Variants in STON1 observed in about 807,000 individuals in gnomAD.
The protein encoded by STON1 is stonin-1.
Under a neutral mutation model 60.9 loss-of-function variants are expected in STON1, and 79 were observed. The ratio of observed to expected loss-of-function variants is 1.30; its 90% CI spans 1.08 to 1.56. The LOEUF (loss-of-function observed/expected upper bound fraction) is 1.56. Ranked by LOEUF, STON1 falls within the 40% of genes most tolerant of loss-of-function variation. STON1 has a pLI of 0.00. For synonymous variants in STON1, 363 were observed against 306.9 expected, an observed-to-expected ratio of 1.18 and a Z score of -1.91; for missense variants, 1,166 against 858.9, an observed-to-expected ratio of 1.36 and a Z score of -4.47.
chr2:48,552,349 A>T (rs376861423), intron 1 of STON1, among the ~76,000 whole-genome samples: 163 of 152,320 alleles, frequency 1.1e-3, no homozygotes, highest in African/African-American at 3.6e-3. Context: ...TGGAGAGAAG[A>T]TGAATGAGGA....
intron 1 of STON1, among the ~76,000 whole-genome samples, chr2:48,574,521 C>G (rs1276882266): frequency 6.6e-6 from 1 of 152,186 alleles, no homozygotes; most frequent in African/African-American, 2.4e-5. Flanking sequence ...AATTATATCT[C>G]AGTAAAGCTG....
rs1318145940 is a variant in STON1 at position 48,557,611 on chromosome 2, C to T, written c.-47-22976C>T. Among the ~76,000 whole-genome samples, 15 of 118,760 alleles carry T rather than the reference C, an allele frequency of 1.3e-4. 3 individuals are homozygous for T. The highest frequency in any genetic ancestry group is 3.1e-4 in the South Asian group (1 of 3,212). 77.9% of individuals were successfully genotyped at this position (118,760 alleles called of 152,430 possible). On this transcript the variant is annotated intron_variant, in intron 1 of 3. Transcript: ENST00000404752. ...CTGGGAGGTGTAGGTTGTAGTGAGC[C>T]GAGATCACGCCACTGCACTCCAGCC...
In STON1 at chr2:48,578,310, T is replaced by C. The variant is rs570602699; in HGVS notation, c.-47-2277T>C. The stretch of plus-strand genomic sequence containing the variant: ...TCCATGTTGAGTTGATGGTTGTGTA[T>C]GATATAAGACAAGCTTGTCCAACGT... On this transcript the variant is annotated intron_variant, in intron 1 of 3. Transcript: ENST00000404752. Among the ~76,000 whole-genome samples, 6 of 152,334 alleles carry C rather than the reference T, an allele frequency of 3.9e-5. No homozygotes were observed. The East Asian group carries it at 1.2e-3, about 29-fold the overall frequency.
chr2:48,554,718 T>C (rs776975629), intron 1 of STON1, among the ~76,000 whole-genome samples: 1 of 72,572 alleles, frequency 1.4e-5, no homozygotes, highest in Non-Finnish European at 3.0e-5. Context: ...TTTTTTTTTT[T>C]TTTTTTTATT....
chr2:48,591,380 A>T (rs963268288), intron 2 of STON1, among the ~76,000 whole-genome samples: 1 of 151,716 alleles, frequency 6.6e-6, no homozygotes, highest in Non-Finnish European at 1.5e-5. Context: ...ATATAGTAAT[A>T]TATTTTTTAT....
intron 2 of STON1, among the ~76,000 whole-genome samples, chr2:48,591,216 A>G (rs904447464): frequency 6.7e-6 from 1 of 149,938 alleles, no homozygotes; most frequent in Non-Finnish European, 1.5e-5. Context: ...TATTAAAAAT[A>G]TTGCTTAAAA....
chr2:48,566,734 C>T (rs927642042), intron 1 of STON1, among the ~76,000 whole-genome samples: 10 of 152,304 alleles, frequency 6.6e-5, no homozygotes, highest in East Asian at 5.8e-4. Context: ...CTCCCACTGA[C>T]GCTAGAGGGA....
rs1428156266 is a variant in STON1, at chr2:48,595,847, C to T, written c.*545C>T. On this transcript the variant is annotated 3_prime_UTR_variant, in exon 4 of 4. Coordinates refer to ENST00000404752, the MANE Select transcript of STON1 (RefSeq NM_006873.4). ...CTGTGCTTTTGAATTACTTATTTAC[C>T]TGTCCTCTTACCGTTGGTAAATAAT... The T allele has an allele frequency of 1.3e-5, 2 of 152,752 alleles. No individual in the cohort carries two copies. The highest frequency in any genetic ancestry group is 1.3e-4 in the Admixed American group (2 of 15,286). The allele number at this position is 152,752 out of a possible 1,614,324, so 9.5% of individuals were successfully genotyped here.
intron 2 of STON1, among the ~76,000 whole-genome samples, chr2:48,588,136 C>G (rs528910311): frequency 3.5e-4 from 54 of 152,298 alleles, no homozygotes; most frequent in Admixed American, 3.4e-3. Flanking sequence ...TGGATTTTGA[C>G]TGAGCAAGTG....
chr2:48,548,248 A>C (rs1044346929), intron 1 of STON1, among the ~76,000 whole-genome samples: 1 of 152,208 alleles, frequency 6.6e-6, no homozygotes, highest in African/African-American at 2.4e-5. Flanking sequence ...CTGTAAAAGC[A>C]CATAGCATTG....
intron 1 of STON1, chr2:48,531,434 G>A (rs974126156): frequency 1.3e-5 from 2 of 152,212 alleles, no homozygotes; most frequent in East Asian, 3.8e-4. Flanking sequence ...TTGGGTGGAA[G>A]AATTGTTTAG....
intron 1 of STON1, among the ~76,000 whole-genome samples, chr2:48,539,461 A>G (rs986157812): frequency 6.6e-6 from 1 of 152,156 alleles, no homozygotes; most frequent in African/African-American, 2.4e-5. Flanking sequence ...TGCTTTAGCT[A>G]CATCATGCAA....
chr2:48,559,804 T>G (rs1384464357), intron 1 of STON1, among the ~76,000 whole-genome samples: 1 of 152,174 alleles, frequency 6.6e-6, no homozygotes, highest in Non-Finnish European at 1.5e-5. Flanking sequence ...GGGGATGTGG[T>G]CTTTGCTGAA....
At chr2:48,551,107 A>C (rs1672085237) in intron 1 of STON1, among the ~76,000 whole-genome samples, 1 of 151,954 alleles carries the variant, frequency 6.6e-6, no homozygotes, top group South Asian at 2.1e-4. Flanking sequence ...GGTGGCATTC[A>C]CTCTAAGCCA....
intron 2 of STON1, among the ~76,000 whole-genome samples, chr2:48,586,004 T>C (rs2103936076): frequency 6.6e-6 from 1 of 152,372 alleles, no homozygotes; most frequent in East Asian, 1.9e-4. Flanking sequence ...ACAGGCTCCC[T>C]TTGTAGTCCA....
intron 1 of STON1, among the ~76,000 whole-genome samples, chr2:48,543,095 C>T (rs1158858365): frequency 6.6e-6 from 1 of 151,496 alleles, no homozygotes; most frequent in Non-Finnish European, 1.5e-5. Context: ...CTGCTTCAGC[C>T]TCCTGAGTAG....
At position 48,563,101 on chromosome 2, in the gene STON1, C is replaced by G. The variant is rs927526070; in HGVS notation, c.-47-17486C>G. The stretch of plus-strand genomic sequence containing the variant: ...CATGGTAAGGTTGAGTGGAGACAGA[C>G]TGTGGCCCCATGGCCCTAGGCAGAG... On this transcript the variant is annotated intron_variant, in intron 1 of 3. Coordinates refer to ENST00000404752, the MANE Select transcript of STON1 (RefSeq NM_006873.4). Among the ~76,000 whole-genome samples the G allele has an allele frequency of 2.0e-5, 3 of 152,352 alleles. No homozygotes were observed. The East Asian group carries it at 5.8e-4, about 29-fold the overall frequency.
At chr2:48,564,413 CTT>C (rs879809323) in intron 1 of STON1, among the ~76,000 whole-genome samples, 6,696 of 42,686 alleles carry the variant, frequency 0.16, 791 homozygotes, top group South Asian at 0.17. Flanking sequence ...GTGTCTTCTT[CTT>C]CTTCTTCTTC....
intron 1 of STON1, among the ~76,000 whole-genome samples, chr2:48,576,192 T>TC (rs1673488852): frequency 8.3e-6 from 1 of 120,272 alleles, no homozygotes; most frequent in Admixed American, 8.4e-5. Flanking sequence ...TTTCTTTTTT[T>TC]TTTTTTTTTT....
Sources: gnomAD v4.1 joint callset for allele counts (sites outside exome capture counted in the v4.1 genomes callset) on GRCh38, gnomAD v4.1.1 for gene constraint, MANE v1.5 for transcripts, NCBI Gene and HGNC (gene_info 2026-07-23, HGNC 2026-07-21) for gene names.